GATAD2A: variants seen among roughly 807,000 people sequenced by gnomAD.
GATAD2A encodes transcriptional repressor p66-alpha.
GATAD2A carries 12 observed loss-of-function variants against 68.5 expected under a neutral mutation model. That is an observed-to-expected ratio of 0.18 (90% CI 0.11 to 0.28). The LOEUF is 0.28. GATAD2A is among the 10% of genes least tolerant of loss of function. GATAD2A has a pLI of 1.00. For synonymous variants in GATAD2A, 410 were observed against 375.3 expected (o/e 1.09, Z -1.07); for missense variants, 755 against 868.5 (o/e 0.87, Z 1.64).
chr19:19,491,485 C>G (rs780814695), intron 2 of GATAD2A, among the ~76,000 whole-genome samples: 4 of 152,144 alleles, frequency 2.6e-5, no homozygotes, highest in Admixed American at 6.6e-5. Context: ...CAGTTTTGAG[C>G]TGGGACTTAC....
intron 1 of GATAD2A, among the ~76,000 whole-genome samples, chr19:19,432,628 C>A (rs544925160): frequency 1.3e-5 from 2 of 152,220 alleles, no homozygotes; most frequent in African/African-American, 4.8e-5. Flanking sequence ...AGGTCGTTTT[C>A]AATTCGGGAT....
intron 1 of GATAD2A, among the ~76,000 whole-genome samples, chr19:19,461,234 G>A (rs2057403338): frequency 6.6e-6 from 1 of 152,232 alleles, no homozygotes; most frequent in African/African-American, 2.4e-5. Context: ...AAATAAGGGT[G>A]TTACTATGGG....
chr19:19,460,691 G>C (rs1209358741), intron 1 of GATAD2A, among the ~76,000 whole-genome samples: 1 of 152,148 alleles, frequency 6.6e-6, no homozygotes, highest in Non-Finnish European at 1.5e-5. Context: ...CAGTTGCTCA[G>C]GCAAAAACAA....
chr19:19,444,872 TAAA>T lies in GATAD2A; in HGVS notation c.-6-20452_-6-20450del, dbSNP rs10641522. 5.7e-5 allele frequency among the ~76,000 whole-genome samples: 7 copies of T among 123,172 alleles called. No homozygotes were observed. The South Asian group carries it at 1.1e-3, about 20-fold the overall frequency. 80.8% of individuals were successfully genotyped at this position (123,172 alleles called of 152,430 possible). ...GACAACAGAGTGAGACCTCGTCCCTTAAAAAAAAAAAAAAAAAAGCCACCATGG... is the reference window on the plus strand; with the variant it reads ...GACAACAGAGTGAGACCTCGTCCCTTAAAAAAAAAAAAAAAGCCACCATGG... On this transcript the variant is annotated intron_variant, in intron 1 of 11. Transcript: ENST00000683918.
intron 1 of GATAD2A, among the ~76,000 whole-genome samples, chr19:19,461,204 C>CCT (rs2057401728): frequency 6.6e-6 from 1 of 152,200 alleles, no homozygotes; most frequent in South Asian, 2.1e-4. Context: ...TACTGCGAAG[C>CCT]CTCACTTTCT....
intron 1 of GATAD2A, among the ~76,000 whole-genome samples, chr19:19,430,719 C>T (rs952808816): frequency 6.6e-6 from 1 of 152,138 alleles, no homozygotes; most frequent in African/African-American, 2.4e-5. Context: ...CTGTACCAGC[C>T]ATGGGTGCCG....
chr19:19,469,464 A>G (rs2058110905), intron 2 of GATAD2A, among the ~76,000 whole-genome samples: 1 of 151,982 alleles, frequency 6.6e-6, no homozygotes, highest in Non-Finnish European at 1.5e-5. Context: ...TCAGAATTAA[A>G]GTTATACACT....
intron 9 of GATAD2A, 117 bp downstream of exon 9, chr19:19,501,533 ATGG>A: frequency 1.2e-6 from 1 of 837,888 alleles, no homozygotes; most frequent in African/African-American, 1.7e-5. Flanking sequence ...ATTGCAGTTA[ATGG>A]TGGTGTTGGG....
At chr19:19,467,484 C>G (rs1049513544) in intron 2 of GATAD2A, among the ~76,000 whole-genome samples, 1 of 152,126 alleles carries the variant, frequency 6.6e-6, no homozygotes, top group Non-Finnish European at 1.5e-5. Context: ...GTTTTTCCTG[C>G]TTTGGTACTT....
chr19:19,466,397 G>A (rs769874923), intron 2 of GATAD2A, among the ~76,000 whole-genome samples: 1 of 152,114 alleles, frequency 6.6e-6, no homozygotes, highest in Non-Finnish European at 1.5e-5. Context: ...CAGCTTCCCG[G>A]CTGGCCCTCT....
At chr19:19,427,143 A>T (rs1568274861) in intron 1 of GATAD2A, among the ~76,000 whole-genome samples, 1 of 151,924 alleles carries the variant, frequency 6.6e-6, no homozygotes, top group African/African-American at 2.4e-5. Context: ...GGGCAGAGAG[A>T]TGAGAGTGAG....
At position 19,498,547 on chromosome 19, in the gene GATAD2A, C is replaced by T. The variant is rs759452657; in HGVS notation, c.1029C>T (p.Ser343=). The T allele has an allele frequency of 6.2e-7, 1 of 1,613,968 alleles. No homozygotes were observed. Among genetic ancestry groups the T allele is most frequent in the Non-Finnish European group, 8.5e-7 (1 of 1,180,020 alleles). Reference sequence around the variant, plus strand: ...TCACCTCTGCCGAGTCTCCAGCAAGCCGACAGGCGGCCGCCAAGCTGGCGC... The same window carrying T: ...TCACCTCTGCCGAGTCTCCAGCAAGTCGACAGGCGGCCGCCAAGCTGGCGC... ...SVVTSAESPA[S]RQAAAKLALR... Residue 343 remains serine, a synonymous_variant, in exon 8 of 12, where the codon AGC becomes AGT. Transcript: ENST00000683918.
Position 19,445,395 on chromosome 19 carries a change from T to TA in GATAD2A, c.-6-19939dup, listed in dbSNP as rs1452460667. ...TTTTTGTTTTCTTTTCTCACCTCTT[T>TA]AAAAAAGCATGTAAAATTCACATGG... On this transcript the variant is annotated intron_variant, in intron 1 of 11. Transcript: ENST00000683918. Among the ~76,000 whole-genome samples, 23 of 152,312 alleles carry TA rather than the reference T, an allele frequency of 1.5e-4. 1 individual carries two copies. The highest frequency in any genetic ancestry group is 1.3e-3 in the Admixed American group (20 of 15,302).
At chr19:19,393,457 G>A (rs896739095) in intron 1 of GATAD2A, among the ~76,000 whole-genome samples, 7 of 152,134 alleles carry the variant, frequency 4.6e-5, no homozygotes, top group African/African-American at 1.7e-4. Flanking sequence ...CTTCCTATGC[G>A]AACAAATAAT....
intron 1 of GATAD2A, among the ~76,000 whole-genome samples, chr19:19,425,871 C>T (rs2053022427): frequency 6.6e-6 from 1 of 151,970 alleles, no homozygotes; most frequent in African/African-American, 2.4e-5. Flanking sequence ...CTCACTGCAT[C>T]CTCCACCTCC....
intron 1 of GATAD2A, among the ~76,000 whole-genome samples, chr19:19,438,197 G>C (rs970649829): frequency 2.0e-5 from 3 of 152,184 alleles, no homozygotes; most frequent in Non-Finnish European, 2.9e-5. Flanking sequence ...AGAAACAGAG[G>C]GTAGGACTAG....
upstream of GATAD2A, among the ~76,000 whole-genome samples, chr19:19,404,652 C>T (rs1020197524): frequency 6.6e-6 from 1 of 151,962 alleles, no homozygotes; most frequent in Admixed American, 6.6e-5. Flanking sequence ...CTGCACCACT[C>T]CAGCCTGGCG....
At chr19:19,426,564 A>G (rs768910412) in intron 1 of GATAD2A, among the ~76,000 whole-genome samples, 5 of 152,106 alleles carry the variant, frequency 3.3e-5, no homozygotes, top group Non-Finnish European at 5.9e-5. Context: ...AGGCTGGAAT[A>G]CAGAGATGCG....
At chr19:19,478,417 A>T (rs1327498156) in intron 2 of GATAD2A, among the ~76,000 whole-genome samples, 1 of 152,162 alleles carries the variant, frequency 6.6e-6, no homozygotes, top group African/African-American at 2.4e-5. Flanking sequence ...CCTGAGCAAC[A>T]TGGCAAATCC....
Sources: gnomAD v4.1 joint callset for allele counts (sites outside exome capture counted in the v4.1 genomes callset) on GRCh38, gnomAD v4.1.1 for gene constraint, MANE v1.5 for transcripts, NCBI Gene and HGNC (gene_info 2026-07-23, HGNC 2026-07-21) for gene names.